The following DNMT1 variants were observed in gnomAD, a reference collection of about 807,000 sequenced individuals.
DNMT1 encodes DNA (cytosine-5)-methyltransferase 1.
In DNMT1, 24 loss-of-function variants were observed where a neutral mutation model predicts 205.3. That is an observed-to-expected ratio of 0.12 (90% confidence interval 0.08 to 0.16). The LOEUF (loss-of-function observed/expected upper bound fraction) is 0.16, where lower values mean the gene tolerates loss of function less well. Ranked by LOEUF, DNMT1 falls within the 10% of genes least tolerant of loss-of-function variation. The pLI is 1.00. For missense variants in DNMT1, 1,293 were observed against 2,177.7 expected (o/e 0.59, Z 8.09); for synonymous variants, 817 against 839.8 (o/e 0.97, Z 0.47).
chr19:10,184,033 G>A (rs1249854720), intron 1 of DNMT1, among the ~76,000 whole-genome samples: 3 of 152,176 alleles, frequency 2.0e-5, no homozygotes, highest in Non-Finnish European at 2.9e-5. Flanking sequence ...CAATCTAGGA[G>A]ACAGAGTGAG....
intron 9 of DNMT1, 64 bp from the exon 10 acceptor site, chr19:10,168,428 T>C: frequency 6.4e-7 from 1 of 1,552,928 alleles, no homozygotes. Flanking sequence ...TCTATTAAAG[T>C]GTCCTATGGA....
chr19:10,169,215 T>C (rs1042446570), intron 9 of DNMT1, among the ~76,000 whole-genome samples: 1 of 151,788 alleles, frequency 6.6e-6, no homozygotes, highest in African/African-American at 2.4e-5. Flanking sequence ...CATGTGGTAG[T>C]CTGTGAAGAG....
chr19:10,194,952 G>T lies in DNMT1; in HGVS notation c.-53C>A. 2.6e-6 allele frequency: 4 copies of T among 1,560,310 alleles called. No individual in the cohort carries two copies. The highest frequency in any genetic ancestry group is 3.5e-6 in the Non-Finnish European group (4 of 1,155,104). On this transcript the variant is annotated 5_prime_UTR_variant, in exon 1 of 41. Transcript: ENST00000359526. ...GGCAGCGCAGGCGCCCCGGCTTTTC[G>T]CGCGGAAACCGATGGGGAGGGGCGA...
chr19:10,186,794 C>T, intron 1 of DNMT1, among the ~76,000 whole-genome samples: 1 of 138,726 alleles, frequency 7.2e-6, no homozygotes, highest in East Asian at 2.2e-4. Context: ...GCCAAGGTCA[C>T]GTCATTGCAC....
chr19:10,171,572 G>A (rs1429532186), intron 9 of DNMT1, among the ~76,000 whole-genome samples: 6 of 151,958 alleles, frequency 3.9e-5, no homozygotes, highest in East Asian at 1.9e-4. Context: ...TTGGGAGGCC[G>A]AGATGGGAGG....
intron 1 of DNMT1, among the ~76,000 whole-genome samples, chr19:10,190,227 A>C (rs936828714): frequency 2.0e-5 from 3 of 152,202 alleles, no homozygotes; most frequent in Non-Finnish European, 4.4e-5. Flanking sequence ...TCAGTTGTGC[A>C]AAGGAGTCTG....
At position 10,156,019 on chromosome 19, in the gene DNMT1, C is replaced by T; in HGVS notation, c.1400-74G>A. 1 of 1,483,526 alleles carries T rather than the reference C, an allele frequency of 6.7e-7. No individual in the cohort carries two copies. The highest frequency in any genetic ancestry group is 1.2e-5 in the South Asian group (1 of 84,032). 91.9% of individuals were successfully genotyped at this position (1,483,526 alleles called of 1,614,324 possible). A position where few individuals can be genotyped will look rare whatever the true frequency, so the allele number is the denominator to read the frequency against. On this transcript the variant is annotated intron_variant, in intron 18 of 40. Transcript: ENST00000359526. The surrounding 1 kb of genome is among the most constrained non-coding windows in gnomAD (Gnocchi z 4.2). The stretch of plus-strand genomic sequence containing the variant: ...ACCCAGGAGGCGCTCTAAGCGCCCA[C>T]TCAGCAGACATCCCATCAGCCAGGT...
In DNMT1 at chr19:10,138,763, G is replaced by A. The variant is rs1333988163; in HGVS notation, c.3949-158C>T. On this transcript the variant is annotated intron_variant, in intron 34 of 40. Coordinates refer to ENST00000359526, the MANE Select transcript of DNMT1 (RefSeq NM_001130823.3). This position sits in a 1 kb window ranked among gnomAD's most constrained non-coding sequence, Gnocchi z 4.1. The stretch of plus-strand genomic sequence containing the variant: ...CAGTTACCTCAGCAGGCGTGCTCCT[G>A]GTCAGAGGAGTTTGGAGCAGATAAA... Among the ~76,000 whole-genome samples, 2 of 152,228 alleles carry A rather than the reference G, an allele frequency of 1.3e-5. No individual in the cohort carries two copies. Among genetic ancestry groups the A allele is most frequent in the East Asian group, 3.8e-4 (2 of 5,202 alleles).
At position 10,151,792 on chromosome 19, in the gene DNMT1, A is replaced by T. The variant is rs767317190; in HGVS notation, c.2075T>A (p.Phe692Tyr). The change falls in exon 23 of 41, where the codon TTT becomes TAT. Residue 692 changes from phenylalanine to tyrosine, a missense_variant. Physicochemically the swap from Phe to Tyr is conservative, Grantham distance 22 (BLOSUM62 3). This residue lies in a region of DNMT1 where 197 missense variants were observed against 353.6 expected (regional missense o/e 0.56). Transcript: ENST00000359526. This position sits in a 1 kb window ranked among gnomAD's most constrained non-coding sequence, Gnocchi z 5.0. ...CTGCTTGCTCCGTCCACTGCCACCAAATTTAACCATGTCCTTGCAGGCTTT... is the reference window on the plus strand; with the variant it reads ...CTGCTTGCTCCGTCCACTGCCACCATATTTAACCATGTCCTTGCAGGCTTT... The part of the protein sequence containing the change: ...KCKACKDMVK[F>Y]GGSGRSKQAC... 5.0e-6 allele frequency: 8 copies of T among 1,614,026 alleles called. No individual in the cohort carries two copies. The highest frequency in any genetic ancestry group is 6.8e-6 in the Non-Finnish European group (8 of 1,180,020).
At position 10,133,394 on chromosome 19, in the gene DNMT1, C is replaced by T; in HGVS notation, c.*273G>A. The T allele has an allele frequency of 1.9e-6, 1 of 529,720 alleles. No homozygotes were observed. Among genetic ancestry groups the T allele is most frequent in the Non-Finnish European group, 3.4e-6 (1 of 296,702 alleles). 32.8% of individuals were successfully genotyped at this position (529,720 alleles called of 1,614,324 possible). A position where few individuals can be genotyped will look rare whatever the true frequency, so the allele number is the denominator to read the frequency against. On this transcript the variant is annotated 3_prime_UTR_variant, in exon 41 of 41. Transcript: ENST00000359526. This position sits in a 1 kb window ranked among gnomAD's most constrained non-coding sequence, Gnocchi z 4.1. The stretch of plus-strand genomic sequence containing the variant: ...GAAGAAATATTACAACATATAAAAA[C>T]TACATAAAGTCTTAATTTCCACTCA...
At position 10,137,571 on chromosome 19, in the gene DNMT1, G is replaced by C. The variant is rs1027268785; in HGVS notation, c.4293+261C>G. On this transcript the variant is annotated intron_variant, in intron 36 of 40. Transcript: ENST00000359526. This position sits in a 1 kb window ranked among gnomAD's most constrained non-coding sequence, Gnocchi z 6.4. Reference sequence around the variant, plus strand: ...GTCTTGGCATCCTGGGAAAACATGCGGGGAGAGGCAGCAAGGGGGAAGGCA... The same window carrying C: ...GTCTTGGCATCCTGGGAAAACATGCCGGGAGAGGCAGCAAGGGGGAAGGCA... 2 of 644,748 alleles carry C rather than the reference G, an allele frequency of 3.1e-6. No individual in the cohort carries two copies. Among genetic ancestry groups the C allele is most frequent in the South Asian group, 1.9e-5 (1 of 52,420 alleles). 39.9% of individuals were successfully genotyped at this position (644,748 alleles called of 1,614,324 possible). A position where few individuals can be genotyped will look rare whatever the true frequency, so the allele number is the denominator to read the frequency against.
Position 10,149,982 on chromosome 19 carries a change from C to T in DNMT1, c.2266-14G>A. 1.9e-6 allele frequency: 3 copies of T among 1,609,740 alleles called. No individual in the cohort carries two copies. The highest frequency in any genetic ancestry group is 2.6e-6 in the Non-Finnish European group (3 of 1,176,016). The stretch of plus-strand genomic sequence containing the variant: ...CTTCCCATCAGTCTGAAAATGAGAG[C>T]ATAAGTTCATGGAGGATCATTCTGA... On this transcript the variant is annotated splice_polypyrimidine_tract_variant and intron_variant, in intron 24 of 40. Transcript: ENST00000359526.
rs765191061 is a variant in DNMT1 at position 10,138,055 on chromosome 19, G to A, written c.4116-46C>T. ...AACACCTCTGGAGATGCACGCAGCA[G>A]CTGTCCCCTCATCACAGGTGCCACC... On this transcript the variant is annotated intron_variant, in intron 35 of 40. Transcript: ENST00000359526. This position sits in a 1 kb window ranked among gnomAD's most constrained non-coding sequence, Gnocchi z 4.1. The A allele has an allele frequency of 1.5e-5, 23 of 1,580,156 alleles. No homozygotes were observed. The African/African-American group carries it at 2.8e-4, about 19-fold the overall frequency.
At chr19:10,181,623 G>A (rs1210618281) in intron 2 of DNMT1, among the ~76,000 whole-genome samples, 2 of 151,568 alleles carry the variant, frequency 1.3e-5, no homozygotes, top group Non-Finnish European at 2.9e-5. Context: ...ACGAGCAGGC[G>A]TTCAAGACCA....
rs1599345566 is a variant in DNMT1, at chr19:10,139,667, A to G, written c.3948+9T>C. 1.9e-6 allele frequency: 3 copies of G among 1,611,742 alleles called. No individual in the cohort carries two copies. The highest frequency in any genetic ancestry group is 2.5e-6 in the Non-Finnish European group (3 of 1,179,728). ...ACATCTGTCTGCCCGCCCCAGCCCC[A>G]GGGCCCACCTGCAGCACGCCGAAGG... On this transcript the variant is annotated intron_variant, in intron 34 of 40. Coordinates refer to ENST00000359526, the MANE Select transcript of DNMT1 (RefSeq NM_001130823.3).
intron 7 of DNMT1, 46 bp downstream of exon 7, chr19:10,175,494 T>C (rs2038922271): frequency 1.2e-6 from 2 of 1,607,290 alleles, no homozygotes; most frequent in Non-Finnish European, 1.7e-6. Context: ...AATCATCAAA[T>C]ACACCAAGTT....
At chr19:10,162,460 G>C (rs1424856470) in intron 13 of DNMT1, among the ~76,000 whole-genome samples, 3 of 151,498 alleles carry the variant, frequency 2.0e-5, no homozygotes, top group East Asian at 3.9e-4. Context: ...AGTAGAGACA[G>C]GGTTTCACCA....
At chr19:10,166,731 G>C (rs369638743) in intron 10 of DNMT1, 46 bp from the exon 11 acceptor site, 5 of 1,609,174 alleles carry the variant, frequency 3.1e-6, no homozygotes, top group African/African-American at 1.3e-5. Flanking sequence ...GCTCGGGGGG[G>C]GCCCTGCACC....
chr19:10,192,329 T>A (rs982233661), intron 1 of DNMT1, among the ~76,000 whole-genome samples: 1 of 152,126 alleles, frequency 6.6e-6, no homozygotes, highest in Non-Finnish European at 1.5e-5. Context: ...GCCACTAGCA[T>A]GTGAACCTTT....
Sources: allele counts gnomAD v4.1 joint callset (sites outside exome capture counted in the v4.1 genomes callset), GRCh38; gene constraint gnomAD v4.1.1; regional missense constraint gnomAD v4.1.1; non-coding constraint Gnocchi (gnomAD v3.1); transcripts MANE v1.5; gene names NCBI Gene and HGNC (gene_info 2026-07-23, HGNC 2026-07-21).